Variants in CFDP1 observed in about 807,000 individuals in gnomAD.
CFDP1 encodes heterochromatin-stabilizing protein CFDP1.
In CFDP1, 31 loss-of-function variants were observed where a neutral mutation model predicts 40.1. The ratio of observed to expected loss-of-function variants is 0.77; its 90% CI spans 0.58 to 1.04. The LOEUF is 1.04. Among genes scored for constraint, CFDP1 ranks in the 50% least tolerant of loss-of-function variants. The pLI is 0.00. For missense variants in CFDP1, 423 were observed against 343.4 expected, an observed-to-expected ratio of 1.23 and a Z score of -1.83; for synonymous variants, 167 against 120.0, an observed-to-expected ratio of 1.39 and a Z score of -2.56.
At chr16:75,348,970 G>A (rs568847912) in intron 5 of CFDP1, among the ~76,000 whole-genome samples, 36 of 152,198 alleles carry the variant, frequency 2.4e-4, no homozygotes, top group Non-Finnish European at 4.6e-4. Context: ...GGGCTGGAGC[G>A]ATCCTCCTGC....
intron 5 of CFDP1, among the ~76,000 whole-genome samples, chr16:75,347,375 A>AAGAAAG (rs1161469815): frequency 6.7e-6 from 1 of 148,404 alleles, no homozygotes; most frequent in Non-Finnish European, 1.5e-5. Context: ...GAAAAAGAAA[A>AAGAAAG]AGAAAAAGAA....
At chr16:75,414,525 G>C in intron 2 of CFDP1, 53 bp downstream of exon 2, 2 of 1,044,922 alleles carry the variant, frequency 1.9e-6, no homozygotes, top group Non-Finnish European at 3.0e-6. Flanking sequence ...TTAGCAATCA[G>C]GATGGTTGTG....
intron 5 of CFDP1, among the ~76,000 whole-genome samples, chr16:75,377,546 T>C (rs916398981): frequency 1.1e-4 from 17 of 151,460 alleles, no homozygotes; most frequent in African/African-American, 4.1e-4. Flanking sequence ...ACAAAAGAAA[T>C]AAAGAAAAGA....
intron 4 of CFDP1, among the ~76,000 whole-genome samples, chr16:75,402,663 T>C (rs7188231): frequency 0.49 from 75,084 of 151,928 alleles, 20,077 homozygotes; most frequent in Admixed American, 0.63. Context: ...CTTAACTTGA[T>C]ACAGAGAGAA....
intron 1 of CFDP1, among the ~76,000 whole-genome samples, chr16:75,430,139 T>C (rs145478813): frequency 2.5e-4 from 37 of 150,856 alleles, no homozygotes; most frequent in East Asian, 2.1e-3. Context: ...TGGGTTAAGA[T>C]AGAGGTTGTG....
At chr16:75,352,944 T>C (rs1386148536) in intron 5 of CFDP1, among the ~76,000 whole-genome samples, 3 of 152,168 alleles carry the variant, frequency 2.0e-5, no homozygotes, top group Non-Finnish European at 2.9e-5. Flanking sequence ...TGAAATCTGA[T>C]TGTCTTCCGA....
chr16:75,309,957 G>T (rs2078285508), intron 5 of CFDP1, among the ~76,000 whole-genome samples: 1 of 151,640 alleles, frequency 6.6e-6, no homozygotes, highest in South Asian at 2.1e-4. Flanking sequence ...CCAGACAACA[G>T]TACTTCATTG....
chr16:75,333,954 C>A (rs981114845), intron 5 of CFDP1, among the ~76,000 whole-genome samples: 1 of 152,198 alleles, frequency 6.6e-6, no homozygotes, highest in Non-Finnish European at 1.5e-5. Context: ...GCCAAGACTT[C>A]TGGGCTGCCC....
At chr16:75,421,208 C>A (rs1399212367) in intron 1 of CFDP1, among the ~76,000 whole-genome samples, 9 of 152,132 alleles carry the variant, frequency 5.9e-5, no homozygotes, top group Admixed American at 2.6e-4. Context: ...AGGCAGGAAG[C>A]ACAGCAGCAG....
intron 5 of CFDP1, among the ~76,000 whole-genome samples, chr16:75,391,978 A>T (rs461994): frequency 0.14 from 21,734 of 151,950 alleles, 1,752 homozygotes; most frequent in East Asian, 0.39. Context: ...AAAAAAATAA[A>T]AAATAAATAA....
At chr16:75,327,831 C>A (rs1358903031) in intron 5 of CFDP1, among the ~76,000 whole-genome samples, 1 of 152,116 alleles carries the variant, frequency 6.6e-6, no homozygotes, top group Non-Finnish European at 1.5e-5. Context: ...TCAAGCGATT[C>A]TCCTGCCTCA....
chr16:75,311,770 A>AT (rs548463039), intron 5 of CFDP1, among the ~76,000 whole-genome samples: 86,644 of 141,816 alleles, frequency 0.61, 26,760 homozygotes, highest in Admixed American at 0.74. Context: ...GACCTTTACA[A>AT]TTTTTTTTTT....
intron 5 of CFDP1, among the ~76,000 whole-genome samples, chr16:75,390,114 T>A (rs866774127): frequency 1.3e-5 from 2 of 152,234 alleles, no homozygotes; most frequent in Non-Finnish European, 2.9e-5. Flanking sequence ...CACTTTACCC[T>A]GTTTATAAGG....
intron 5 of CFDP1, among the ~76,000 whole-genome samples, chr16:75,355,353 T>C (rs531226559): frequency 6.6e-6 from 1 of 152,362 alleles, no homozygotes; most frequent in African/African-American, 2.4e-5. Context: ...GTAAAACTTA[T>C]TTCAAAATTG....
chr16:75,318,455 G>C (rs897733158), intron 5 of CFDP1, among the ~76,000 whole-genome samples: 7 of 150,210 alleles, frequency 4.7e-5, no homozygotes, highest in African/African-American at 1.7e-4. Context: ...GCCCAGGCTG[G>C]AGTGCAGTGG....
chr16:75,422,228 CT>C (rs1567682369), intron 1 of CFDP1, among the ~76,000 whole-genome samples: 2 of 152,160 alleles, frequency 1.3e-5, no homozygotes, highest in Non-Finnish European at 1.5e-5. Context: ...TCCCAAGTAG[CT>C]GGGATTACAG....
intron 5 of CFDP1, among the ~76,000 whole-genome samples, chr16:75,388,093 T>C (rs1348018993): frequency 1.3e-5 from 2 of 152,222 alleles, no homozygotes; most frequent in East Asian, 1.9e-4. Flanking sequence ...TGGTCTCAAA[T>C]AGATTTGGGC....
chr16:75,363,271 CAA>C (rs34693612), intron 5 of CFDP1, among the ~76,000 whole-genome samples: 349 of 138,354 alleles, frequency 2.5e-3, no homozygotes, highest in Middle Eastern at 3.6e-3. Flanking sequence ...GTCTGAGCAC[CAA>C]AAAAAAAAAA....
Position 75,394,908 on chromosome 16 carries a change from G to A in CFDP1, c.650+182C>T, listed in dbSNP as rs953973684. 6.5e-5 allele frequency: 46 copies of A among 707,808 alleles called. 1 individual carries two copies. In the Admixed American group the frequency reaches 1.0e-3, roughly 16 times the overall value. 43.8% of individuals were successfully genotyped at this position (707,808 alleles called of 1,614,324 possible). A position where few individuals can be genotyped will look rare whatever the true frequency, so the allele number is the denominator to read the frequency against. ...ACTCCTGGGTTCAAGCAATCCTCCTGAGAAAGTTATGGCTAATTTTCCTTT... is the reference window on the plus strand; with the variant it reads ...ACTCCTGGGTTCAAGCAATCCTCCTAAGAAAGTTATGGCTAATTTTCCTTT... On this transcript the variant is annotated intron_variant, in intron 5 of 6. Coordinates refer to ENST00000283882, the MANE Select transcript of CFDP1 (RefSeq NM_006324.3).
Sources: gnomAD v4.1 joint callset for allele counts (sites outside exome capture counted in the v4.1 genomes callset) on GRCh38, gnomAD v4.1.1 for gene constraint, MANE v1.5 for transcripts, NCBI Gene and HGNC (gene_info 2026-07-23, HGNC 2026-07-21) for gene names.